The following EGF variants were observed in gnomAD, a reference collection of about 807,000 sequenced individuals.
EGF encodes the protein pro-epidermal growth factor.
EGF carries 95 observed loss-of-function variants against 143.8 expected under a neutral mutation model. That is an observed-to-expected ratio of 0.66 (90% CI 0.56 to 0.78). EGF has a LOEUF of 0.78. EGF is among the 30% of genes least tolerant of loss of function. EGF has a pLI of 0.00. For synonymous variants in EGF, 510 were observed against 510.5 expected (o/e 1.00, Z 0.01); for missense variants, 1,320 against 1,470.9 (o/e 0.90, Z 1.68).
Position 110,013,336 on chromosome 4 carries a change from C to T in EGF, c.*1881C>T, listed in dbSNP as rs1754151374. Among the ~76,000 whole-genome samples, 1 of 152,074 alleles carries T rather than the reference C, an allele frequency of 6.6e-6. No individual in the cohort carries two copies. On this transcript the variant is annotated 3_prime_UTR_variant, in exon 24 of 24. Coordinates refer to ENST00000265171, the MANE Select transcript of EGF (RefSeq NM_001963.6). ...GAAATGACATGAGAACACGGCTACC[C>T]ATAACATACCATTATCTTTGTACCA...
At chr4:109,919,413 A>G (rs1017473498) in intron 1 of EGF, among the ~76,000 whole-genome samples, 1 of 149,652 alleles carries the variant, frequency 6.7e-6, no homozygotes, top group African/African-American at 2.5e-5. Context: ...GAGTCTGGGA[A>G]GGGACTACTG....
intron 1 of EGF, among the ~76,000 whole-genome samples, chr4:109,930,861 C>G (rs758427381): frequency 2.6e-5 from 4 of 152,210 alleles, no homozygotes; most frequent in Non-Finnish European, 4.4e-5. Context: ...TCAATGTGCT[C>G]CAAACATTCT....
chr4:109,976,167 A>G lies in EGF; in HGVS notation c.1985A>G (p.Lys662Arg). 1.9e-6 allele frequency: 3 copies of G among 1,614,170 alleles called. No individual in the cohort carries two copies. The highest frequency in any genetic ancestry group is 2.2e-5 in the South Asian group (2 of 91,084). ...LTDKLYWCDAKQSVIEMANLD... is the reference protein window; with the variant it reads ...LTDKLYWCDARQSVIEMANLD... ...GACAAGTTGTACTGGTGCGATGCCA[A>G]GCAGTCTGTGATTGAAATGGCCAAT... is the stretch of plus-strand genomic sequence containing the variant. Residue 662 changes from lysine (K) to arginine (R), a missense_variant, in exon 13 of 24, where the codon AAG (lysine) becomes AGG (arginine). Lys to Arg is a conservative substitution (Grantham distance 26). This residue lies in a region of EGF where 1,186 missense variants were observed against 1,313.7 expected (regional missense o/e 0.90). Transcript: ENST00000265171.
intron 21 of EGF, 85 bp downstream of exon 21, chr4:109,999,931 A>G (rs1006976462): frequency 1.3e-6 from 2 of 1,570,910 alleles, no homozygotes; most frequent in Non-Finnish European, 1.7e-6. Context: ...GAGATGTATG[A>G]AATAGTACCT....
intron 21 of EGF, chr4:110,002,080 G>C (rs1317650934): frequency 7.2e-6 from 7 of 975,706 alleles, no homozygotes; most frequent in Non-Finnish European, 8.5e-6. Flanking sequence ...TTTTAAGTTA[G>C]ACATGCTAAC....
intron 1 of EGF, among the ~76,000 whole-genome samples, chr4:109,932,946 G>T (rs1451128732): frequency 2.6e-5 from 4 of 152,132 alleles, no homozygotes; most frequent in Non-Finnish European, 5.9e-5. Context: ...AGTTATTAGA[G>T]ACAAGTTATA....
chr4:109,937,327 C>A (rs1741007173), intron 1 of EGF, among the ~76,000 whole-genome samples: 1 of 147,722 alleles, frequency 6.8e-6, no homozygotes, highest in South Asian at 2.2e-4. Flanking sequence ...TCTCTAAAGT[C>A]TGTTTATCAA....
At position 109,992,170 on chromosome 4, in the gene EGF, TAAAA is replaced by T. The variant is rs58841408; in HGVS notation, c.2735-1050_2735-1047del. Among the ~76,000 whole-genome samples the T allele has an allele frequency of 2.3e-4, 15 of 65,636 alleles. No homozygotes were observed. In the East Asian group the frequency reaches 0.011, roughly 47 times the overall value. The allele number at this position is 65,636 out of a possible 152,430, so 43.1% of individuals were successfully genotyped here. On this transcript the variant is annotated intron_variant, in intron 18 of 23. Coordinates refer to ENST00000265171, the MANE Select transcript of EGF (RefSeq NM_001963.6). ...TCCTTAGCAACCAAGCAAGATTCTT[TAAAA>T]AAAAAAAAAAAAAAAAAAAAAAAAA...
chr4:110,002,559 C>A (rs77289737), intron 21 of EGF, among the ~76,000 whole-genome samples: 4,124 of 152,210 alleles, frequency 0.027, 201 homozygotes, highest in African/African-American at 0.092. Context: ...GTATTCTAAT[C>A]TTATTAGTTT....
At chr4:109,989,997 A>T (rs1440709787) in intron 18 of EGF, among the ~76,000 whole-genome samples, 1 of 152,146 alleles carries the variant, frequency 6.6e-6, no homozygotes, top group Non-Finnish European at 1.5e-5. Flanking sequence ...AAAAAGTGCT[A>T]TGTAAAATTT....
chr4:109,964,028 G>A (rs968474227), intron 9 of EGF, among the ~76,000 whole-genome samples: 5 of 152,018 alleles, frequency 3.3e-5, no homozygotes, highest in South Asian at 4.2e-4. Context: ...TTACTTATTC[G>A]GACATGAAAG....
In EGF at chr4:109,919,428, T is replaced by C. The variant is rs560994553; in HGVS notation, c.127+5966T>C. ...GAGTCTGGGAAGGGACTACTGCACT[T>C]TGGGGCTGGGGAGTGCCTTTACTTT... On this transcript the variant is annotated intron_variant, in intron 1 of 23. Coordinates refer to ENST00000265171, the MANE Select transcript of EGF (RefSeq NM_001963.6). 2.6e-4 allele frequency among the ~76,000 whole-genome samples: 39 copies of C among 151,834 alleles called. No homozygotes were observed. In the South Asian group the frequency reaches 8.0e-3, roughly 31 times the overall value.
intron 17 of EGF, 64 bp from the exon 18 acceptor site, chr4:109,988,520 C>T (rs1011671110): frequency 6.2e-7 from 1 of 1,609,552 alleles, no homozygotes; most frequent in Non-Finnish European, 8.5e-7. Flanking sequence ...CTTATTCTTT[C>T]CAACTAGTCC....
intron 18 of EGF, among the ~76,000 whole-genome samples, chr4:109,990,340 C>A (rs975305385): frequency 1.3e-5 from 2 of 152,072 alleles, no homozygotes; most frequent in Non-Finnish European, 2.9e-5. Context: ...AAGTAAAAAC[C>A]ACAATGAAAG....
chr4:110,002,040 G>C, intron 21 of EGF: 1 of 985,336 alleles, frequency 1.0e-6, no homozygotes, highest in Non-Finnish European at 1.2e-6. Flanking sequence ...ATACTCAACT[G>C]TACCAACAAA....
Position 109,993,043 on chromosome 4 carries a change from A to G in EGF, c.2735-204A>G, listed in dbSNP as rs11569073. Among the ~76,000 whole-genome samples the G allele has an allele frequency of 1.4e-4, 21 of 151,656 alleles. 1 individual carries two copies. The South Asian group carries it at 4.4e-3, about 32-fold the overall frequency. ...GCACACCAACATGGCACATGTATAC[A>G]TATGTAACAAACCTGCACCTTGTGC... On this transcript the variant is annotated intron_variant, in intron 18 of 23. Transcript: ENST00000265171.
At chr4:109,954,002 A>T (rs1389615477) in intron 5 of EGF, among the ~76,000 whole-genome samples, 1 of 152,226 alleles carries the variant, frequency 6.6e-6, no homozygotes, top group Non-Finnish European at 1.5e-5. Flanking sequence ...ACAATAAGAA[A>T]AGACTCAATG....
intron 1 of EGF, among the ~76,000 whole-genome samples, chr4:109,936,770 T>C (rs984039268): frequency 2.0e-5 from 3 of 152,216 alleles, no homozygotes; most frequent in African/African-American, 4.8e-5. Context: ...CAATAACTTA[T>C]TTATTTCTCC....
intron 4 of EGF, 109 bp from the exon 5 acceptor site, chr4:109,944,964 A>G: frequency 1.7e-6 from 2 of 1,161,184 alleles, no homozygotes; most frequent in East Asian, 2.5e-5. Flanking sequence ...GAAACAATTG[A>G]AAACGTAGGT....
Sources: allele counts gnomAD v4.1 joint callset (sites outside exome capture counted in the v4.1 genomes callset), GRCh38; gene constraint gnomAD v4.1.1; regional missense constraint gnomAD v4.1.1; transcripts MANE v1.5; gene names NCBI Gene and HGNC (gene_info 2026-07-23, HGNC 2026-07-21).